The following NCALD variants were observed in gnomAD, a reference collection of about 807,000 sequenced individuals.
NCALD encodes neurocalcin-delta.
In NCALD, 10 loss-of-function variants were observed where a neutral mutation model predicts 18.6. The observed-to-expected ratio is 0.54, with a 90% CI of 0.33 to 0.91. The LOEUF is 0.91. Among genes scored for constraint, NCALD ranks in the 40% least tolerant of loss-of-function variants. The pLI is 0.03. For missense variants in NCALD, 184 were observed against 247.6 expected, an observed-to-expected ratio of 0.74 and a Z score of 1.72; for synonymous variants, 88 against 87.4, an observed-to-expected ratio of 1.01 and a Z score of -0.04.
intron 3 of NCALD, among the ~76,000 whole-genome samples, chr8:101,888,597 A>C (rs1340718986): frequency 6.6e-6 from 1 of 150,850 alleles, no homozygotes; most frequent in Non-Finnish European, 1.5e-5. Context: ...TTTTTTTTTT[A>C]ATAGAGATGA....
At chr8:101,795,864 C>A (rs77123570), upstream of NCALD, among the ~76,000 whole-genome samples, 69 of 152,296 alleles carry the variant, frequency 4.5e-4, 1 homozygote, top group East Asian at 0.013. Flanking sequence ...AAAATGGAAT[C>A]ACAGAGAAGA....
intron 2 of NCALD, among the ~76,000 whole-genome samples, chr8:101,966,576 T>C (rs1370212270): frequency 6.6e-6 from 1 of 151,964 alleles, no homozygotes; most frequent in Non-Finnish European, 1.5e-5. Flanking sequence ...GGCACATGTA[T>C]ACATATGTAA....
chr8:101,717,755 T>C (rs1020784256), intron 2 of NCALD, among the ~76,000 whole-genome samples: 6 of 151,708 alleles, frequency 4.0e-5, no homozygotes, highest in African/African-American at 1.5e-4. Flanking sequence ...GGAGTGTGGG[T>C]TTTCAAAAAG....
chr8:101,926,606 C>A (rs529534595), intron 2 of NCALD, among the ~76,000 whole-genome samples: 155 of 152,198 alleles, frequency 1.0e-3, no homozygotes, highest in African/African-American at 3.6e-3. Flanking sequence ...ATAATATGTC[C>A]AAGCTGACGA....
chr8:101,778,018 A>G, intron 1 of NCALD, among the ~76,000 whole-genome samples: 1 of 152,196 alleles, frequency 6.6e-6, no homozygotes, highest in Non-Finnish European at 1.5e-5. Flanking sequence ...CAATTAATAA[A>G]AAGACTATGA....
At chr8:102,085,166 TG>T (rs1234023508) in intron 1 of NCALD, among the ~76,000 whole-genome samples, 2 of 152,298 alleles carry the variant, frequency 1.3e-5, no homozygotes, top group East Asian at 3.9e-4. Context: ...TATTAATATT[TG>T]GGGCCAGGTA....
intron 1 of NCALD, among the ~76,000 whole-genome samples, chr8:101,720,555 C>T (rs1435323203): frequency 6.6e-6 from 1 of 152,098 alleles, no homozygotes; most frequent in East Asian, 1.9e-4. Context: ...GTTTCCATAA[C>T]AAGAATGCAC....
chr8:102,104,739 G>A (rs79644829), intron 1 of NCALD, among the ~76,000 whole-genome samples: 9,277 of 152,186 alleles, frequency 0.061, 421 homozygotes, highest in Non-Finnish European at 0.093. Flanking sequence ...CAATTGTCAC[G>A]GGAGACCACA....
At chr8:101,699,329 C>T (rs1390078992) in intron 2 of NCALD, among the ~76,000 whole-genome samples, 7 of 152,100 alleles carry the variant, frequency 4.6e-5, no homozygotes, top group African/African-American at 1.2e-4. Flanking sequence ...TAAATTAGTT[C>T]GACCATTGTG....
At chr8:102,071,998 G>C (rs1369755016) in intron 1 of NCALD, among the ~76,000 whole-genome samples, 1 of 152,108 alleles carries the variant, frequency 6.6e-6, no homozygotes, top group Non-Finnish European at 1.5e-5. Flanking sequence ...GAAATTTAAA[G>C]GATCTGAAAT....
intron 2 of NCALD, among the ~76,000 whole-genome samples, chr8:101,950,733 G>A (rs1161398929): frequency 6.6e-6 from 1 of 152,170 alleles, no homozygotes; most frequent in Non-Finnish European, 1.5e-5. Flanking sequence ...GAGAATTCCT[G>A]TGTAGCCTGT....
chr8:102,079,181 C>G (rs1352668033), intron 1 of NCALD, among the ~76,000 whole-genome samples: 1 of 152,222 alleles, frequency 6.6e-6, no homozygotes, highest in East Asian at 1.9e-4. Flanking sequence ...ATGAAACCCC[C>G]TTTATCTCAG....
chr8:101,908,491 C>T (rs1817684825), intron 3 of NCALD, among the ~76,000 whole-genome samples: 1 of 152,162 alleles, frequency 6.6e-6, no homozygotes, highest in South Asian at 2.1e-4. Flanking sequence ...TCTTTCATTT[C>T]ACGGAACCAT....
chr8:101,845,825 C>T (rs1397428596), intron 4 of NCALD, among the ~76,000 whole-genome samples: 4 of 152,146 alleles, frequency 2.6e-5, no homozygotes, highest in Admixed American at 6.5e-5. Context: ...TCTATATTTA[C>T]CCTCTTCTGC....
chr8:101,825,655 C>T (rs1813905272), intron 4 of NCALD, among the ~76,000 whole-genome samples: 1 of 152,212 alleles, frequency 6.6e-6, no homozygotes, highest in African/African-American at 2.4e-5. Context: ...GGGTTCAGTC[C>T]TCTCAGTACC....
At chr8:101,879,447 AAAAGTGAGG>A in intron 4 of NCALD, among the ~76,000 whole-genome samples, 1 of 152,280 alleles carries the variant, frequency 6.6e-6, no homozygotes, top group African/African-American at 2.4e-5. Context: ...CGCTGGCCTC[AAAAGTGAGG>A]CTGCAGACCT....
rs377160595 is a variant in NCALD at position 102,017,072 on chromosome 8, C to T, written c.-157+3165G>A. ...ATAGAAATTTTATCCAAATTGAAAT[C>T]GAAAGAGAAAGAATTTTTTTAACAA... is the stretch of plus-strand genomic sequence containing the variant. On this transcript the variant is annotated intron_variant, in intron 2 of 6. Transcript: ENST00000311028. Among the ~76,000 whole-genome samples the T allele has an allele frequency of 1.4e-4, 22 of 151,966 alleles. No homozygotes were observed. In the East Asian group the frequency reaches 3.1e-3, roughly 21 times the overall value.
intron 1 of NCALD, among the ~76,000 whole-genome samples, chr8:102,068,129 C>T (rs1295971961): frequency 1.3e-5 from 2 of 152,154 alleles, no homozygotes; most frequent in East Asian, 3.9e-4. Context: ...GAGAATACTT[C>T]GTGTATTTAC....
rs889786091 is a variant in NCALD, at chr8:101,916,599, T to A, written c.-156-741A>T. Among the ~76,000 whole-genome samples, 11 of 152,018 alleles carry A rather than the reference T, an allele frequency of 7.2e-5. No individual in the cohort carries two copies. In the East Asian group the frequency reaches 2.1e-3, roughly 29 times the overall value. ...TAGCAAGTTGGATAAAAGAATGAAG[T>A]CCAATTGTCTGCTGTCTTCAAGAGA... On this transcript the variant is annotated intron_variant, in intron 2 of 6. Transcript: ENST00000311028.
Sources: gnomAD v4.1 joint callset for allele counts (sites outside exome capture counted in the v4.1 genomes callset) on GRCh38, gnomAD v4.1.1 for gene constraint, MANE v1.5 for transcripts, NCBI Gene and HGNC (gene_info 2026-07-23, HGNC 2026-07-21) for gene names.